Variants in SIM1 observed in about 807,000 individuals in gnomAD.
SIM1 encodes the protein single-minded homolog 1.
A neutral mutation model predicts 78.2 loss-of-function variants in SIM1; 18 were observed. That is an observed-to-expected ratio of 0.23 (90% CI 0.16 to 0.34). The LOEUF (loss-of-function observed/expected upper bound fraction) is 0.34. SIM1 is among the 10% of genes least tolerant of loss of function. SIM1 has a pLI of 1.00. For synonymous variants in SIM1, 417 were observed against 385.2 expected (o/e 1.08, Z -0.97); for missense variants, 939 against 975.1 (o/e 0.96, Z 0.49).
chr6:100,446,430 G>A (rs747283731), intron 9 of SIM1, among the ~76,000 whole-genome samples: 2 of 152,148 alleles, frequency 1.3e-5, no homozygotes, highest in African/African-American at 4.8e-5. Context: ...TGGGGAGAGC[G>A]CAACAGCACA....
chr6:100,447,409 A>G lies in SIM1; in HGVS notation c.857T>C (p.Val286Ala). ...GTACTTGGTGGTCACCTGTCCCTTC[A>G]CCAGCACTGACGGAGAGACAGGAGG... ...HLRCAHHLLLVKGQVTTKYYR... is the reference protein window; with the variant it reads ...HLRCAHHLLLAKGQVTTKYYR... The change falls in exon 9 of 12, where the codon GTG (valine) becomes GCG (alanine). Residue 286 changes from valine (V) to alanine (A), a missense_variant. Val to Ala is a moderately conservative substitution (Grantham distance 64). Transcript: ENST00000369208. 1 of 1,614,178 alleles carries G rather than the reference A, an allele frequency of 6.2e-7. No homozygotes were observed. Among genetic ancestry groups the G allele is most frequent in the Non-Finnish European group, 8.5e-7 (1 of 1,180,034 alleles).
intron 10 of SIM1, among the ~76,000 whole-genome samples, chr6:100,412,612 GA>G (rs1314581091): frequency 8.7e-5 from 5 of 57,754 alleles, no homozygotes; most frequent in African/African-American, 3.2e-4. Flanking sequence ...AGAAAGAAAG[GA>G]AAGAAAGAAG....
chr6:100,451,757 A>G (rs1243451933), intron 3 of SIM1, among the ~76,000 whole-genome samples: 1 of 152,222 alleles, frequency 6.6e-6, no homozygotes, highest in Non-Finnish European at 1.5e-5. Context: ...GGCACTAAGC[A>G]GAAGGTGACA....
intron 9 of SIM1, chr6:100,427,277 C>A (rs55756734): frequency 2.0e-5 from 3 of 152,178 alleles, no homozygotes; most frequent in Non-Finnish European, 4.4e-5. Flanking sequence ...GGGTAAGGCA[C>A]CCTTGGAAAT....
chr6:100,397,890 T>C (rs1770807439), intron 10 of SIM1, among the ~76,000 whole-genome samples: 1 of 152,074 alleles, frequency 6.6e-6, no homozygotes, highest in Non-Finnish European at 1.5e-5. Context: ...GATATACAGA[T>C]GGCAAATAAT....
chr6:100,400,509 C>T (rs967415315), intron 10 of SIM1, among the ~76,000 whole-genome samples: 1 of 151,838 alleles, frequency 6.6e-6, no homozygotes, highest in Non-Finnish European at 1.5e-5. Context: ...AATAGGCAAA[C>T]ACAAATTACA....
chr6:100,450,694 T>A (rs199730703), intron 3 of SIM1, among the ~76,000 whole-genome samples: 166 of 93,292 alleles, frequency 1.8e-3, no homozygotes, highest in Middle Eastern at 5.2e-3. Flanking sequence ...TCTCTCTCTC[T>A]CTCACACACA....
Position 100,393,527 on chromosome 6 carries a change from T to C in SIM1, c.1530A>G (p.Glu510=), listed in dbSNP as rs1770692046. Residue 510 remains glutamate (E), a synonymous_variant, in exon 11 of 12, where the codon GAA becomes GAG. Coordinates refer to ENST00000369208, the MANE Select transcript of SIM1 (RefSeq NM_005068.3). ...KASPESREAY[E]NSMPHIASVH... ...CTGAAGCGATGTGAGGCATGCTGTT[T>C]TCATAGGCTTCTCTGCTTTCTGGGG... The C allele has an allele frequency of 1.0e-5, 16 of 1,583,576 alleles. No homozygotes were observed. In the East Asian group the frequency reaches 3.6e-4, roughly 36 times the overall value.
chr6:100,400,531 C>T (rs1770888457), intron 10 of SIM1, among the ~76,000 whole-genome samples: 1 of 151,926 alleles, frequency 6.6e-6, no homozygotes, highest in African/African-American at 2.4e-5. Flanking sequence ...AAATTAAATA[C>T]AGAATTCTGG....
chr6:100,422,210 A>G (rs564216521), intron 9 of SIM1, among the ~76,000 whole-genome samples: 27 of 149,976 alleles, frequency 1.8e-4, no homozygotes, highest in African/African-American at 6.3e-4. Context: ...AAACCTGATA[A>G]TTTTTTTTTT....
At chr6:100,456,639 C>T (rs207467308) in intron 2 of SIM1, among the ~76,000 whole-genome samples, 1 of 152,204 alleles carries the variant, frequency 6.6e-6, no homozygotes, top group Non-Finnish European at 1.5e-5. Flanking sequence ...CCAAGAAATG[C>T]CACATTAACC....
chr6:100,415,707 G>A (rs1296864345), intron 10 of SIM1, among the ~76,000 whole-genome samples: 2 of 152,134 alleles, frequency 1.3e-5, no homozygotes, highest in Non-Finnish European at 2.9e-5. Context: ...AACAGAGCAG[G>A]AGCACCATCA....
At position 100,453,771 on chromosome 6, in the gene SIM1, A is replaced by T; in HGVS notation, c.249T>A (p.His83Gln). Residue 83 changes from histidine to glutamine, a missense_variant, in exon 3 of 12, where the codon CAT becomes CAA. Around this residue, in one of 5 missense-constraint regions of SIM1, gnomAD observed 121 missense variants for 124.6 expected, o/e 0.97. Transcript: ENST00000369208. ...LDNVGRELGS[H>Q]LLQTLDGFIF... The stretch of plus-strand genomic sequence containing the variant: ...AGACCTGCACCTGTACCTGGAGCAG[A>T]TGGGAGCCCAGTTCTCGGCCAACGT... 6.2e-7 allele frequency: 1 copy of T among 1,610,946 alleles called. No homozygotes were observed. Among genetic ancestry groups the T allele is most frequent in the South Asian group, 1.1e-5 (1 of 90,684 alleles).
chr6:100,419,768 A>T (rs894404334), intron 10 of SIM1, among the ~76,000 whole-genome samples: 2 of 152,090 alleles, frequency 1.3e-5, no homozygotes, highest in African/African-American at 4.8e-5. Context: ...CAGCCTCCTG[A>T]GTAGCTGGGA....
chr6:100,445,137 C>A (rs1772323433), intron 9 of SIM1, among the ~76,000 whole-genome samples: 2 of 152,152 alleles, frequency 1.3e-5, no homozygotes. Context: ...TAACTTCCAG[C>A]CAGATGTGTG....
Position 100,393,581 on chromosome 6 carries a change from A to G in SIM1, c.1476T>C (p.Ser492=). The G allele has an allele frequency of 6.2e-7, 1 of 1,613,552 alleles. No homozygotes were observed. The highest frequency in any genetic ancestry group is 1.1e-5 in the South Asian group (1 of 91,052). Reference sequence around the variant, plus strand: ...CCTTTGTCAGGGGCAAGGCTGCGCGAGAGCCCCACCAGGGCTCCCTCCCGG... The same window carrying G: ...CCTTTGTCAGGGGCAAGGCTGCGCGGGAGCCCCACCAGGGCTCCCTCCCGG... ...PQAGREPWWG[S]RAALPLTKAS... The change falls in exon 11 of 12, where the codon TCT becomes TCC. Residue 492 remains serine, a synonymous_variant. Transcript: ENST00000369208.
At chr6:100,421,035 A>G (rs1771566429) in intron 9 of SIM1, 77 bp from the exon 10 acceptor site, 1 of 1,444,354 alleles carries the variant, frequency 6.9e-7, no homozygotes, top group Admixed American at 2.5e-5. Flanking sequence ...CAGGAATGAT[A>G]GTAATCCGAA....
At chr6:100,460,578 G>A (rs1415680627) in intron 2 of SIM1, among the ~76,000 whole-genome samples, 2 of 151,986 alleles carry the variant, frequency 1.3e-5, no homozygotes, top group African/African-American at 4.8e-5. Context: ...TATGTACTAG[G>A]GTGGCTTCAT....
intron 3 of SIM1, among the ~76,000 whole-genome samples, chr6:100,451,363 G>A (rs1170333828): frequency 2.0e-5 from 3 of 152,208 alleles, no homozygotes; most frequent in Non-Finnish European, 2.9e-5. Flanking sequence ...CCAATCTAGT[G>A]TATTCTGAGG....
Sources: gnomAD v4.1 joint callset for allele counts (sites outside exome capture counted in the v4.1 genomes callset) on GRCh38, gnomAD v4.1.1 for gene constraint, gnomAD v4.1.1 regional missense constraint, MANE v1.5 for transcripts, NCBI Gene and HGNC (gene_info 2026-07-23, HGNC 2026-07-21) for gene names.